Variants in TECRL observed in about 807,000 individuals in gnomAD.
TECRL encodes the protein trans-2,3-enoyl-CoA reductase-like.
In TECRL, 63 loss-of-function variants were observed where a neutral mutation model predicts 52.8. That is an observed-to-expected ratio of 1.19 (90% CI 0.97 to 1.47). The LOEUF is 1.47. Among genes scored for constraint, TECRL ranks in the 40% most tolerant of loss-of-function variants. TECRL has a pLI of 0.00. For missense variants in TECRL, 482 were observed against 429.6 expected (o/e 1.12, Z -1.08); for synonymous variants, 164 against 141.9 (o/e 1.16, Z -1.10).
chr4:64,289,537 G>A (rs1428272001), intron 9 of TECRL, among the ~76,000 whole-genome samples, 173 bp downstream of exon 9: 3 of 151,968 alleles, frequency 2.0e-5, no homozygotes, highest in Non-Finnish European at 4.4e-5. Context: ...CATTACTAGA[G>A]AATAAGACTT....
chr4:64,385,166 G>T (rs1723088297), intron 1 of TECRL, among the ~76,000 whole-genome samples: 1 of 152,140 alleles, frequency 6.6e-6, no homozygotes, highest in African/African-American at 2.4e-5. Context: ...AGGTGGGCCA[G>T]TCCTCAGGCC....
At position 64,280,003 on chromosome 4, in the gene TECRL, T is replaced by G; in HGVS notation, c.*69A>C. 6.7e-7 allele frequency: 1 copy of G among 1,498,756 alleles called. No individual in the cohort carries two copies. The highest frequency in any genetic ancestry group is 8.9e-7 in the Non-Finnish European group (1 of 1,119,450). The allele number at this position is 1,498,756 out of a possible 1,614,324, so 92.8% of individuals were successfully genotyped here. ...GAATTGTTGGAGTATAATAGTTAAC[T>G]ATCCTTAACTAAGTCTTATTTATTG... is the stretch of plus-strand genomic sequence containing the variant. On this transcript the variant is annotated 3_prime_UTR_variant, in exon 12 of 12. Transcript: ENST00000381210.
chr4:64,387,697 A>C (rs970404318), intron 1 of TECRL, among the ~76,000 whole-genome samples: 8 of 151,916 alleles, frequency 5.3e-5, no homozygotes, highest in African/African-American at 1.7e-4. Flanking sequence ...TATCTTTTCT[A>C]GTGAAGTGTC....
intron 2 of TECRL, among the ~76,000 whole-genome samples, chr4:64,361,862 T>C (rs1018810280): frequency 1.3e-5 from 2 of 152,074 alleles, no homozygotes; most frequent in African/African-American, 4.8e-5. Flanking sequence ...CTTAACCAAG[T>C]AAATGGCTGA....
At chr4:64,366,579 C>T (rs937714968) in intron 2 of TECRL, among the ~76,000 whole-genome samples, 10 of 151,924 alleles carry the variant, frequency 6.6e-5, no homozygotes, top group Admixed American at 3.9e-4. Flanking sequence ...ATATAACAAA[C>T]GACTGCATTA....
intron 1 of TECRL, among the ~76,000 whole-genome samples, chr4:64,378,544 G>A (rs1722558700): frequency 6.6e-6 from 1 of 152,042 alleles, no homozygotes; most frequent in African/African-American, 2.4e-5. Flanking sequence ...CAAATAGAAT[G>A]TATATTTGCA....
chr4:64,302,663 A>C (rs1197293375), intron 7 of TECRL, among the ~76,000 whole-genome samples: 2 of 151,532 alleles, frequency 1.3e-5, no homozygotes, highest in African/African-American at 4.8e-5. Context: ...GAAAATTTTC[A>C]AGAGGAACAA....
intron 4 of TECRL, among the ~76,000 whole-genome samples, chr4:64,318,803 A>G (rs1717686402): frequency 6.6e-6 from 1 of 152,024 alleles, no homozygotes; most frequent in Admixed American, 6.5e-5. Context: ...CAGAACTACA[A>G]TAAAACACTA....
At chr4:64,292,385 G>A (rs1345771082) in intron 8 of TECRL, among the ~76,000 whole-genome samples, 5 of 151,820 alleles carry the variant, frequency 3.3e-5, no homozygotes, top group African/African-American at 7.2e-5. Context: ...GAGATGCTAC[G>A]TATTACCTAT....
chr4:64,354,268 T>C (rs978694896), intron 2 of TECRL, among the ~76,000 whole-genome samples: 4 of 151,880 alleles, frequency 2.6e-5, no homozygotes, highest in Admixed American at 6.6e-5. Context: ...AAAAACAAGA[T>C]CAAAGGAGGA....
chr4:64,307,522 A>T (rs1560485960), intron 6 of TECRL, among the ~76,000 whole-genome samples: 1 of 152,112 alleles, frequency 6.6e-6, no homozygotes, highest in African/African-American at 2.4e-5. Context: ...CTCCCCATCC[A>T]AGTTCACCCT....
At chr4:64,339,392 G>C (rs1305814423) in intron 2 of TECRL, among the ~76,000 whole-genome samples, 3 of 151,850 alleles carry the variant, frequency 2.0e-5, no homozygotes, top group East Asian at 3.9e-4. Context: ...GTATACATAT[G>C]TAAGAAACCT....
chr4:64,284,198 C>A (rs897642070), intron 9 of TECRL, among the ~76,000 whole-genome samples: 2 of 152,030 alleles, frequency 1.3e-5, no homozygotes, highest in Non-Finnish European at 2.9e-5. Context: ...TGTACAAACA[C>A]ACTAATGATA....
intron 4 of TECRL, among the ~76,000 whole-genome samples, chr4:64,320,802 A>C (rs1404717240): frequency 6.6e-6 from 1 of 152,104 alleles, no homozygotes; most frequent in East Asian, 1.9e-4. Context: ...AGGTCTGTAG[A>C]CATCACATTT....
chr4:64,381,307 T>C (rs1289024364), intron 1 of TECRL, among the ~76,000 whole-genome samples: 3 of 152,102 alleles, frequency 2.0e-5, no homozygotes, highest in African/African-American at 7.2e-5. Flanking sequence ...TTCATGTTAT[T>C]ACATATATAA....
intron 2 of TECRL, among the ~76,000 whole-genome samples, chr4:64,349,746 G>A (rs1005727880): frequency 1.3e-5 from 2 of 152,142 alleles, no homozygotes; most frequent in Admixed American, 1.3e-4. Flanking sequence ...AGGCCTTGAA[G>A]AGATAATACA....
chr4:64,283,201 A>G (rs921657997), intron 9 of TECRL, among the ~76,000 whole-genome samples: 1 of 152,010 alleles, frequency 6.6e-6, no homozygotes, highest in East Asian at 1.9e-4. Context: ...ACTTGTTGAG[A>G]CTATATCGCT....
chr4:64,384,306 C>G (rs1368419203), intron 1 of TECRL, among the ~76,000 whole-genome samples: 2 of 152,044 alleles, frequency 1.3e-5, no homozygotes, highest in Non-Finnish European at 2.9e-5. Flanking sequence ...CCAGTCCTGT[C>G]TGTGGGCCAA....
chr4:64,339,144 G>T (rs1250641463), intron 2 of TECRL, among the ~76,000 whole-genome samples: 1 of 151,966 alleles, frequency 6.6e-6, no homozygotes, highest in Non-Finnish European at 1.5e-5. Flanking sequence ...GGACATGGAT[G>T]AAGCTGGAAA....
Sources: gnomAD v4.1 joint callset for allele counts (sites outside exome capture counted in the v4.1 genomes callset) on GRCh38, gnomAD v4.1.1 for gene constraint, MANE v1.5 for transcripts, NCBI Gene and HGNC (gene_info 2026-07-23, HGNC 2026-07-21) for gene names.